Variants in GLI3 observed in about 807,000 individuals in gnomAD.
GLI3 encodes the protein GLI family zinc finger 3, also known as transcription activator GLI3.
GLI3 carries 20 observed loss-of-function variants against 100.8 expected under a neutral mutation model. That is an observed-to-expected ratio of 0.20 (90% CI 0.14 to 0.29). The LOEUF is 0.29. Among genes scored for constraint, GLI3 ranks in the 10% least tolerant of loss-of-function variants. GLI3 has a pLI of 1.00. For synonymous variants in GLI3, 938 were observed against 860.5 expected, an observed-to-expected ratio of 1.09 and a Z score of -1.58; for missense variants, 2,040 against 2,128.5, an observed-to-expected ratio of 0.96 and a Z score of 0.82.
chr7:42,196,941 G>A (rs974053944), intron 2 of GLI3, among the ~76,000 whole-genome samples: 5 of 152,180 alleles, frequency 3.3e-5, no homozygotes, highest in Admixed American at 2.0e-4. Flanking sequence ...ACAGGGAATC[G>A]ACAATGTCGT....
chr7:42,252,273 T>A (rs1417614727), intron 1 of GLI3, among the ~76,000 whole-genome samples: 1 of 152,146 alleles, frequency 6.6e-6, no homozygotes, highest in Non-Finnish European at 1.5e-5. Context: ...TTCTCACTCA[T>A]AAGTGGGAGC....
chr7:41,988,957 A>G (rs1010942562), intron 10 of GLI3, among the ~76,000 whole-genome samples: 1 of 152,184 alleles, frequency 6.6e-6, no homozygotes, highest in African/African-American at 2.4e-5. Flanking sequence ...TTTAAGTCCT[A>G]TTGTGATTTT....
intron 4 of GLI3, among the ~76,000 whole-genome samples, chr7:42,068,481 T>G (rs1009541388): frequency 6.6e-6 from 1 of 152,206 alleles, no homozygotes; most frequent in Admixed American, 6.5e-5. Flanking sequence ...TCCTATTTCC[T>G]TTTAGTGTGC....
chr7:42,047,315 G>C (rs1469096560), intron 5 of GLI3, among the ~76,000 whole-genome samples: 1 of 152,222 alleles, frequency 6.6e-6, no homozygotes, highest in Admixed American at 6.5e-5. Context: ...GTGAGTGGAT[G>C]TTTCCTGAGA....
At chr7:42,108,384 A>C (rs1785626081) in intron 3 of GLI3, among the ~76,000 whole-genome samples, 1 of 152,192 alleles carries the variant, frequency 6.6e-6, no homozygotes, top group Non-Finnish European at 1.5e-5. Context: ...AGAAACCTCT[A>C]ATCTAACAGA....
chr7:42,213,935 TA>T (rs1425183732), intron 2 of GLI3, among the ~76,000 whole-genome samples: 10 of 152,220 alleles, frequency 6.6e-5, no homozygotes, highest in Admixed American at 6.5e-4. Flanking sequence ...CAGAAACCCT[TA>T]AACATGGGTA....
intron 7 of GLI3, among the ~76,000 whole-genome samples, chr7:42,038,598 C>A (rs1205013678): frequency 6.6e-6 from 1 of 152,204 alleles, no homozygotes; most frequent in Non-Finnish European, 1.5e-5. Flanking sequence ...AGGACCCCTC[C>A]CTGTGCACTG....
At chr7:42,084,194 C>A (rs984507909) in intron 3 of GLI3, among the ~76,000 whole-genome samples, 2 of 152,324 alleles carry the variant, frequency 1.3e-5, no homozygotes, top group Non-Finnish European at 2.9e-5. Context: ...ACTCTGGCCA[C>A]ACCCACAATT....
At chr7:42,121,465 C>A (rs1184567353) in intron 3 of GLI3, among the ~76,000 whole-genome samples, 1 of 152,192 alleles carries the variant, frequency 6.6e-6, no homozygotes, top group Non-Finnish European at 1.5e-5. Context: ...CCCAAAATAG[C>A]AAATAACAGA....
intron 13 of GLI3, among the ~76,000 whole-genome samples, chr7:41,968,516 C>T (rs1787249061): frequency 6.6e-6 from 1 of 151,974 alleles, no homozygotes; most frequent in African/African-American, 2.4e-5. Context: ...CCAACAAGAG[C>T]CCCTCTAGGC....
intron 10 of GLI3, among the ~76,000 whole-genome samples, chr7:42,017,890 C>A (rs1320411127): frequency 6.6e-6 from 1 of 152,212 alleles, no homozygotes; most frequent in East Asian, 1.9e-4. Flanking sequence ...TCTCATTAGA[C>A]CTACTGCATG....
At chr7:42,073,768 C>T (rs1046884568) in intron 4 of GLI3, among the ~76,000 whole-genome samples, 2 of 152,064 alleles carry the variant, frequency 1.3e-5, no homozygotes, top group East Asian at 3.9e-4. Context: ...ATTGTGTGTA[C>T]AAAATAATGA....
At chr7:42,134,724 T>A (rs1202843962) in intron 3 of GLI3, among the ~76,000 whole-genome samples, 1 of 152,044 alleles carries the variant, frequency 6.6e-6, no homozygotes, top group Non-Finnish European at 1.5e-5. Context: ...CAATAAACTA[T>A]GTGCTTGGCT....
rs375277249 is a variant in GLI3 at position 42,026,384 on chromosome 7, C to G, written c.1057G>C (p.Ala353Pro). The G allele has an allele frequency of 1.2e-6, 2 of 1,613,960 alleles. No homozygotes were observed. The highest frequency in any genetic ancestry group is 1.7e-6 in the Non-Finnish European group (2 of 1,179,970). ...SPALSFTYSS[A>P]PVSLHMHQQI... ...TGATGCATGTGGAGAGAGACGGGCGCGGAAGAGTAGGTGAAGCTCAAGGCA... is the reference window on the plus strand; with the variant it reads ...TGATGCATGTGGAGAGAGACGGGCGGGGAAGAGTAGGTGAAGCTCAAGGCA... The change falls in exon 8 of 15, where the codon GCG (alanine) becomes CCG (proline). Residue 353 changes from alanine (A) to proline (P), a missense_variant. This residue lies in a region of GLI3 where 603 missense variants were observed against 690.9 expected (regional missense o/e 0.87). Transcript: ENST00000395925.
At chr7:42,083,320 TA>T (rs1387451558) in intron 3 of GLI3, among the ~76,000 whole-genome samples, 2 of 152,234 alleles carry the variant, frequency 1.3e-5, no homozygotes, top group Admixed American at 1.3e-4. Context: ...TTATTTCACT[TA>T]ACATCATGAC....
intron 10 of GLI3, among the ~76,000 whole-genome samples, chr7:41,994,333 A>G (rs1788068677): frequency 1.3e-5 from 2 of 152,194 alleles, no homozygotes; most frequent in African/African-American, 4.8e-5. Context: ...TTTCCTCCTT[A>G]ATCTGCTTGT....
intron 1 of GLI3, among the ~76,000 whole-genome samples, chr7:42,254,736 A>G (rs1229224880): frequency 6.8e-6 from 1 of 146,660 alleles, no homozygotes; most frequent in Non-Finnish European, 1.5e-5. Flanking sequence ...AACCCATCTC[A>G]TGCTACCTGC....
In GLI3 at chr7:41,965,463, G is replaced by C. The variant is rs1182691242; in HGVS notation, c.3610C>G (p.Pro1204Ala). ...CCCCCAGCAGGCCCGCTCCTCAAGGGGTTCTGCGGGTGGACGACCATGCCG... is the reference window on the plus strand; with the variant it reads ...CCCCCAGCAGGCCCGCTCCTCAAGGCGTTCTGCGGGTGGACGACCATGCCG... ...CNGMVVHPQN[P>A]LRSGPAGGYQ... Residue 1204 changes from proline (P) to alanine (A), a missense_variant, in exon 15 of 15, where the codon CCC (proline) becomes GCC (alanine). Coordinates refer to ENST00000395925, the MANE Select transcript of GLI3 (RefSeq NM_000168.6). 1 of 1,608,870 alleles carries C rather than the reference G, an allele frequency of 6.2e-7. No homozygotes were observed. The highest frequency in any genetic ancestry group is 1.1e-5 in the South Asian group (1 of 91,006).
intron 7 of GLI3, 119 bp from the exon 8 acceptor site, chr7:42,026,531 A>G: frequency 6.2e-6 from 5 of 804,010 alleles, no homozygotes; most frequent in Non-Finnish European, 1.1e-5. Flanking sequence ...TGTTTAAATG[A>G]GAAGGTAGGA....
Sources: gnomAD v4.1 joint callset for allele counts (sites outside exome capture counted in the v4.1 genomes callset) on GRCh38, gnomAD v4.1.1 for gene constraint, gnomAD v4.1.1 regional missense constraint, MANE v1.5 for transcripts, NCBI Gene and HGNC (gene_info 2026-07-23, HGNC 2026-07-21) for gene names.